The following FAM83E variants were observed in gnomAD, a reference collection of about 807,000 sequenced individuals.
FAM83E encodes scaffolding CK1 anchoring protein E, also known as protein FAM83E.
In FAM83E, 29 loss-of-function variants were observed where a neutral mutation model predicts 34.3. The observed-to-expected ratio is 0.85, with a 90% CI of 0.63 to 1.15. The LOEUF (loss-of-function observed/expected upper bound fraction) is 1.15. Ranked by LOEUF, FAM83E falls within the 50% of genes most tolerant of loss-of-function variation. The probability of loss-of-function intolerance (pLI) is 0.00; values close to 1 mark genes in which losing one functional copy is unlikely to be tolerated. For synonymous variants in FAM83E, 312 were observed against 311.6 expected (o/e 1.00, Z -0.01); for missense variants, 697 against 685.0 (o/e 1.02, Z -0.20).
Position 48,613,374 on chromosome 19 carries a change from G to T in FAM83E, c.-2C>A. The stretch of plus-strand genomic sequence containing the variant: ...CGCCGCCAGCTGGGAGGCCGCCATC[G>T]GGGTCACTCGGGTGGGAGGACTGAC... On this transcript the variant is annotated 5_prime_UTR_variant, in exon 3 of 7. Transcript: ENST00000263266. 6.5e-7 allele frequency: 1 copy of T among 1,543,978 alleles called. No individual in the cohort carries two copies. Among genetic ancestry groups the T allele is most frequent in the Non-Finnish European group, 8.7e-7 (1 of 1,146,124 alleles).
At chr19:48,610,649 G>A in intron 4 of FAM83E, 31 bp downstream of exon 4, 5 of 1,546,216 alleles carry the variant, frequency 3.2e-6, no homozygotes, top group Non-Finnish European at 4.4e-6. Flanking sequence ...GGGGAATGGG[G>A]ACTCACAGGA....
At position 48,614,765 on chromosome 19, in the gene FAM83E, A is replaced by G. The variant is rs931254775; in HGVS notation, c.-1313T>C. ...CCTTCCAGTGCCTGCTTTTTCCGAGAACGTAGGCTGTGGCTCCCCGGCTTC... is the reference window on the plus strand; with the variant it reads ...CCTTCCAGTGCCTGCTTTTTCCGAGGACGTAGGCTGTGGCTCCCCGGCTTC... On this transcript the variant is annotated 5_prime_UTR_variant, in exon 2 of 7. Transcript: ENST00000263266. 1.1e-5 allele frequency: 11 copies of G among 984,806 alleles called. No homozygotes were observed. Among genetic ancestry groups the G allele is most frequent in the Non-Finnish European group, 1.2e-5 (10 of 829,924 alleles). The allele number at this position is 984,806 out of a possible 1,614,324, so 61.0% of individuals were successfully genotyped here.
chr19:48,611,238 A>T (rs1163132418), intron 3 of FAM83E, among the ~76,000 whole-genome samples: 1 of 149,752 alleles, frequency 6.7e-6, no homozygotes, highest in Non-Finnish European at 1.5e-5. Context: ...GCGCAATCTC[A>T]GCTCACTGCA....
At position 48,613,501 on chromosome 19, in the gene FAM83E, G is replaced by A. The variant is rs913984106; in HGVS notation, c.-129C>T. 1.5e-5 allele frequency: 21 copies of A among 1,429,046 alleles called. No individual in the cohort carries two copies. The highest frequency in any genetic ancestry group is 5.8e-5 in the African/African-American group (4 of 69,554). The allele number at this position is 1,429,046 out of a possible 1,614,324, so 88.5% of individuals were successfully genotyped here. On this transcript the variant is annotated 5_prime_UTR_variant, in exon 3 of 7. Transcript: ENST00000263266. ...CCCTACGTGGCCATCCGAGGCCTCCGGCGGGGCCCTGCAGATGTCCAAATG... is the reference window on the plus strand; with the variant it reads ...CCCTACGTGGCCATCCGAGGCCTCCAGCGGGGCCCTGCAGATGTCCAAATG...
chr19:48,614,668 C>A, intron 2 of FAM83E, 40 bp downstream of exon 2: 7 of 985,712 alleles, frequency 7.1e-6, no homozygotes, highest in Non-Finnish European at 8.4e-6. Flanking sequence ...CCAGCCTCCC[C>A]GCCCCACCCT....
intron 3 of FAM83E, among the ~76,000 whole-genome samples, chr19:48,611,972 G>A (rs1302994258): frequency 6.6e-6 from 1 of 152,144 alleles, no homozygotes; most frequent in African/African-American, 2.4e-5. Flanking sequence ...GAACTTGGGG[G>A]ACACGGAGGT....
chr19:48,601,255 G>C lies in FAM83E; in HGVS notation c.1291C>G (p.Leu431Val). Residue 431 changes from leucine to valine, a missense_variant, in exon 7 of 7, where the codon CTG (leucine) becomes GTG (valine). By Grantham distance (32) the Leu-to-Val change is conservative (BLOSUM62 1). Coordinates refer to ENST00000263266, the MANE Select transcript of FAM83E (RefSeq NM_017708.4). ...AGGCGGTGGGCGGGGGGCAGGGGCA[G>C]GGCACCGCCCCACGGAGGTCGGGAG... ...VDSRPPWGGALPLPPAHRLRY... is the reference protein window; with the variant it reads ...VDSRPPWGGAVPLPPAHRLRY... 6.2e-7 allele frequency: 1 copy of C among 1,602,342 alleles called. No individual in the cohort carries two copies. Among genetic ancestry groups the C allele is most frequent in the East Asian group, 2.3e-5 (1 of 44,316 alleles).
chr19:48,614,518 C>G lies in FAM83E; in HGVS notation c.-1146G>C. 1 of 985,752 alleles carries G rather than the reference C, an allele frequency of 1.0e-6. No homozygotes were observed. Among genetic ancestry groups the G allele is most frequent in the East Asian group, 1.1e-4 (1 of 8,816 alleles). 61.1% of individuals were successfully genotyped at this position (985,752 alleles called of 1,614,324 possible). On this transcript the variant is annotated 5_prime_UTR_variant, in exon 3 of 7. Transcript: ENST00000263266. ...CCAAGCCTCAGTTATCCCCTTGAGGCTCCTGACCCAACCTCGGGGACCCTG... is the reference window on the plus strand; with the variant it reads ...CCAAGCCTCAGTTATCCCCTTGAGGGTCCTGACCCAACCTCGGGGACCCTG...
At chr19:48,607,543 G>A in intron 5 of FAM83E, 1 of 721,666 alleles carries the variant, frequency 1.4e-6, no homozygotes, top group South Asian at 2.0e-5. Flanking sequence ...CTGAGCGGCA[G>A]GGGAGCACGG....
chr19:48,610,826 C>A lies in FAM83E; in HGVS notation c.487G>T (p.Val163Phe), dbSNP rs762776441. The change falls in exon 4 of 7, where the codon GTC becomes TTC. Residue 163 changes from valine (V) to phenylalanine (F), a missense_variant. Val to Phe is a conservative substitution (Grantham distance 50). Coordinates refer to ENST00000263266, the MANE Select transcript of FAM83E (RefSeq NM_017708.4). ...AHKLVAVVMDVFTDPDLLLDL... is the reference protein window; with the variant it reads ...AHKLVAVVMDFFTDPDLLLDL... ...AAAAGCAGGTCTGGGTCAGTGAAGA[C>A]GTCCATGACCACGGCCACCAGCTGG... 6.3e-7 allele frequency: 1 copy of A among 1,595,010 alleles called. No individual in the cohort carries two copies. Among genetic ancestry groups the A allele is most frequent in the African/African-American group, 1.3e-5 (1 of 74,722 alleles).
intron 5 of FAM83E, among the ~76,000 whole-genome samples, chr19:48,606,048 C>T (rs1271943304): frequency 1.3e-5 from 2 of 151,678 alleles, no homozygotes; most frequent in Non-Finnish European, 2.9e-5. Context: ...TGGTGGCTCA[C>T]GTCTGTAATC....
chr19:48,602,406 A>T (rs927189066), intron 6 of FAM83E, among the ~76,000 whole-genome samples: 3 of 151,078 alleles, frequency 2.0e-5, no homozygotes, highest in Non-Finnish European at 4.4e-5. Context: ...GAAGGGGGGA[A>T]GTGAGAGGGC....
chr19:48,611,071 G>C (rs1200474779), intron 3 of FAM83E, among the ~76,000 whole-genome samples: 1 of 152,036 alleles, frequency 6.6e-6, no homozygotes. Context: ...GAGATCCCCA[G>C]CCCCTCCTCG....
At position 48,601,184 on chromosome 19, in the gene FAM83E, T is replaced by C. The variant is rs1430851305; in HGVS notation, c.1362A>G (p.Thr454=). The change falls in exon 7 of 7, where the codon ACA becomes ACG. Residue 454 remains threonine (T), a synonymous_variant. Transcript: ENST00000263266. ...PARRRFGGDA[T]FKLQEPRGVR... ...CGCCTCTGGGCTCTTGAAGTTTGAATGTAGCATCCCCACCGAACCGCCTTC... is the reference window on the plus strand; with the variant it reads ...CGCCTCTGGGCTCTTGAAGTTTGAACGTAGCATCCCCACCGAACCGCCTTC... 1.2e-6 allele frequency: 2 copies of C among 1,612,816 alleles called. No homozygotes were observed. Among genetic ancestry groups the C allele is most frequent in the African/African-American group, 2.7e-5 (2 of 74,868 alleles).
rs73579565 is a variant in FAM83E, at chr19:48,608,926, T to G, written c.758+950A>C. Among the ~76,000 whole-genome samples the G allele has an allele frequency of 1.0e-2, 1,514 of 152,024 alleles. 19 individuals are homozygous for G. Among genetic ancestry groups the G allele is most frequent in the African/African-American group, 0.034 (1,390 of 41,424 alleles). ...AAAGTCGGGGGTATGGGGCGTGTGA[T>G]GCTACTGACCTCTGCTGGGTGGAGG... On this transcript the variant is annotated intron_variant, in intron 5 of 6. Coordinates refer to ENST00000263266, the MANE Select transcript of FAM83E (RefSeq NM_017708.4).
chr19:48,606,128 T>C (rs1357605649), intron 5 of FAM83E, among the ~76,000 whole-genome samples: 1 of 151,910 alleles, frequency 6.6e-6, no homozygotes, highest in Non-Finnish European at 1.5e-5. Flanking sequence ...CTGGCCTACA[T>C]GGTGAAACCC....
At chr19:48,609,740 G>A in intron 5 of FAM83E, 136 bp downstream of exon 5, 1 of 1,000,898 alleles carries the variant, frequency 1.0e-6, no homozygotes, top group Non-Finnish European at 1.5e-6. Flanking sequence ...TCCTCCGCAG[G>A]GAAGAGTGTT....
chr19:48,610,125 G>A (rs1265047483), intron 4 of FAM83E, 125 bp from the exon 5 acceptor site: 18 of 1,272,502 alleles, frequency 1.4e-5, no homozygotes, highest in Non-Finnish European at 1.7e-5. Context: ...AAGGCCAGGC[G>A]TGGTGGCTCA....
intron 5 of FAM83E, chr19:48,607,178 G>C: frequency 6.2e-7 from 1 of 1,613,104 alleles, no homozygotes; most frequent in Non-Finnish European, 8.5e-7. Flanking sequence ...GGCTGCCTGC[G>C]AGCCACCAGC....
Sources: allele counts gnomAD v4.1 joint callset (sites outside exome capture counted in the v4.1 genomes callset), GRCh38; gene constraint gnomAD v4.1.1; transcripts MANE v1.5; gene names NCBI Gene and HGNC (gene_info 2026-07-23, HGNC 2026-07-21).